The following FBXL17 variants were observed in gnomAD, a reference collection of about 807,000 sequenced individuals.
The protein encoded by FBXL17 is F-box and leucine rich repeat protein 17, also known as F-box/LRR-repeat protein 17.
FBXL17 carries 22 observed loss-of-function variants against 66.2 expected under a neutral mutation model. The observed-to-expected ratio is 0.33, with a 90% CI of 0.24 to 0.47. FBXL17 has a LOEUF of 0.47. Ranked by LOEUF, FBXL17 falls within the 20% of genes least tolerant of loss-of-function variation. FBXL17 has a pLI of 1.00. For synonymous variants in FBXL17, 474 were observed against 400.5 expected (o/e 1.18, Z -2.19); for missense variants, 878 against 948.2 (o/e 0.93, Z 0.97).
At chr5:108,088,142 T>C (rs1450756460) in intron 6 of FBXL17, among the ~76,000 whole-genome samples, 2 of 152,204 alleles carry the variant, frequency 1.3e-5, no homozygotes, top group Non-Finnish European at 1.5e-5. Context: ...ATTATAAACC[T>C]GGAGATCAAT....
intron 4 of FBXL17, among the ~76,000 whole-genome samples, chr5:108,241,465 GA>G (rs1053782751): frequency 1.6e-4 from 24 of 147,962 alleles, no homozygotes; most frequent in African/African-American, 2.7e-4. Flanking sequence ...AAGGAACAAA[GA>G]AAAAAAAAGA....
chr5:108,129,223 T>C (rs1750831821), intron 6 of FBXL17, among the ~76,000 whole-genome samples: 1 of 152,164 alleles, frequency 6.6e-6, no homozygotes, highest in African/African-American at 2.4e-5. Flanking sequence ...CTTTCAGCAC[T>C]GTCTTTGCAA....
chr5:108,156,487 AT>A lies in FBXL17; in HGVS notation c.1745+29629del, dbSNP rs1320854153. Among the ~76,000 whole-genome samples, 15 of 151,806 alleles carry A rather than the reference AT, an allele frequency of 9.9e-5. No homozygotes were observed. In the East Asian group the frequency reaches 2.3e-3, roughly 23 times the overall value. ...TATCTTAGACATATTAAACCGAAGTATTTTTTTTAAGTCATCATTTTTACAA... is the reference window on the plus strand; with the variant it reads ...TATCTTAGACATATTAAACCGAAGTATTTTTTTAAGTCATCATTTTTACAA... On this transcript the variant is annotated intron_variant, in intron 6 of 8. Coordinates refer to ENST00000542267, the MANE Select transcript of FBXL17 (RefSeq NM_001163315.3).
At chr5:108,297,239 G>A (rs993266140) in intron 4 of FBXL17, among the ~76,000 whole-genome samples, 5 of 151,526 alleles carry the variant, frequency 3.3e-5, no homozygotes, top group Non-Finnish European at 7.4e-5. Flanking sequence ...AACAGTAAAG[G>A]TAATAAAAGT....
intron 1 of FBXL17, among the ~76,000 whole-genome samples, chr5:108,380,340 C>T (rs1749755352): frequency 6.6e-6 from 1 of 152,158 alleles, no homozygotes; most frequent in Admixed American, 6.5e-5. Flanking sequence ...TTTCAAACAC[C>T]AACATGCAAA....
At chr5:108,328,039 T>C (rs1759939055) in intron 4 of FBXL17, among the ~76,000 whole-genome samples, 1 of 152,152 alleles carries the variant, frequency 6.6e-6, no homozygotes, top group Non-Finnish European at 1.5e-5. Flanking sequence ...TTAATATTGG[T>C]GTTGGAATCT....
intron 4 of FBXL17, among the ~76,000 whole-genome samples, chr5:108,300,041 A>G (rs1392401366): frequency 1.3e-5 from 2 of 152,102 alleles, no homozygotes; most frequent in African/African-American, 4.8e-5. Context: ...AAATTTTAAA[A>G]ACCAGAAATA....
At chr5:108,193,046 ATAGT>A (rs1282193784) in intron 5 of FBXL17, among the ~76,000 whole-genome samples, 1 of 152,246 alleles carries the variant, frequency 6.6e-6, no homozygotes, top group Non-Finnish European at 1.5e-5. Flanking sequence ...AAACTTCTAT[ATAGT>A]TAAATATGTT....
At chr5:108,255,236 T>C (rs1420157650) in intron 4 of FBXL17, among the ~76,000 whole-genome samples, 7 of 152,160 alleles carry the variant, frequency 4.6e-5, no homozygotes, top group Non-Finnish European at 8.8e-5. Flanking sequence ...ATTCTAAAAA[T>C]AGAAGTATGT....
At chr5:108,123,544 T>C (rs548962404) in intron 6 of FBXL17, among the ~76,000 whole-genome samples, 1 of 152,266 alleles carries the variant, frequency 6.6e-6, no homozygotes, top group South Asian at 2.1e-4. Context: ...TGTTACTAAA[T>C]CTTTAGTAAA....
intron 4 of FBXL17, among the ~76,000 whole-genome samples, chr5:108,288,596 A>T (rs1382161291): frequency 6.6e-6 from 1 of 152,090 alleles, no homozygotes; most frequent in African/African-American, 2.4e-5. Context: ...ATATATTGGA[A>T]GGATGGGAAG....
At chr5:108,281,669 CAA>C (rs1757706317) in intron 4 of FBXL17, among the ~76,000 whole-genome samples, 2 of 151,310 alleles carry the variant, frequency 1.3e-5, no homozygotes, top group Non-Finnish European at 3.0e-5. Flanking sequence ...GCAGAAGAAA[CAA>C]AATAACAACG....
intron 6 of FBXL17, among the ~76,000 whole-genome samples, chr5:108,036,755 C>A (rs1475772384): frequency 6.6e-6 from 1 of 152,112 alleles, no homozygotes; most frequent in African/African-American, 2.4e-5. Context: ...AGATTAGATA[C>A]GCAAAACAGG....
chr5:108,124,214 G>A (rs1406720785), intron 6 of FBXL17, among the ~76,000 whole-genome samples: 2 of 151,868 alleles, frequency 1.3e-5, no homozygotes, highest in Non-Finnish European at 2.9e-5. Context: ...ATGTAAACTG[G>A]AAGAAGAAAA....
At chr5:107,990,994 T>C (rs1753218782) in intron 7 of FBXL17, among the ~76,000 whole-genome samples, 1 of 150,782 alleles carries the variant, frequency 6.6e-6, no homozygotes, top group Non-Finnish European at 1.5e-5. Context: ...AGCTGAAATC[T>C]TTTGTTTTTA....
chr5:108,094,215 T>C (rs553180800), intron 6 of FBXL17, among the ~76,000 whole-genome samples: 1 of 152,226 alleles, frequency 6.6e-6, no homozygotes, highest in East Asian at 1.9e-4. Flanking sequence ...TAAGCTCCCT[T>C]GACCATTTAG....
intron 4 of FBXL17, among the ~76,000 whole-genome samples, chr5:108,260,254 G>A (rs1756757331): frequency 6.6e-6 from 1 of 152,084 alleles, no homozygotes; most frequent in Admixed American, 6.5e-5. Flanking sequence ...CTTGTGAAGT[G>A]AAGGTGAAAA....
At chr5:108,102,488 T>C (rs373114624) in intron 6 of FBXL17, among the ~76,000 whole-genome samples, 1 of 152,194 alleles carries the variant, frequency 6.6e-6, no homozygotes, top group East Asian at 1.9e-4. Context: ...CTTAAACCTT[T>C]GTGAGATACC....
At chr5:108,074,100 G>T (rs1423563948) in intron 6 of FBXL17, among the ~76,000 whole-genome samples, 1 of 152,102 alleles carries the variant, frequency 6.6e-6, no homozygotes, top group Non-Finnish European at 1.5e-5. Flanking sequence ...GTAACCTCAA[G>T]AATGTATAAA....
Sources: allele counts gnomAD v4.1 joint callset (sites outside exome capture counted in the v4.1 genomes callset), GRCh38; gene constraint gnomAD v4.1.1; transcripts MANE v1.5; gene names NCBI Gene and HGNC (gene_info 2026-07-23, HGNC 2026-07-21).